Variants in TNS3 observed in about 807,000 individuals in gnomAD.
TNS3 encodes tensin 3.
TNS3 carries 45 observed loss-of-function variants against 140.9 expected under a neutral mutation model. That is an observed-to-expected ratio of 0.32 (90% CI 0.25 to 0.41). The LOEUF (loss-of-function observed/expected upper bound fraction) is 0.41. Among genes scored for constraint, TNS3 ranks in the 10% least tolerant of loss-of-function variants. The pLI, the probability that TNS3 is intolerant of heterozygous loss-of-function variation, is 1.00. For synonymous variants in TNS3, 815 were observed against 788.4 expected (o/e 1.03, Z -0.56); for missense variants, 1,716 against 1,906.7 (o/e 0.90, Z 1.86).
In TNS3 at chr7:47,357,013, A is replaced by T. The variant is rs530056834; in HGVS notation, c.2282-10657T>A. ...TGAGGTGAGAGGATCAATTGAGCCC[A>T]GGAGGTCAAGGATGCAGTGAGCTGT... is the stretch of plus-strand genomic sequence containing the variant. On this transcript the variant is annotated intron_variant, in intron 17 of 30. Coordinates refer to ENST00000311160, the MANE Select transcript of TNS3 (RefSeq NM_022748.12). 2.6e-5 allele frequency among the ~76,000 whole-genome samples: 4 copies of T among 152,166 alleles called. No individual in the cohort carries two copies. The East Asian group carries it at 7.7e-4, about 29-fold the overall frequency.
intron 21 of TNS3, 128 bp from the exon 22 acceptor site, chr7:47,303,712 G>C: frequency 8.4e-7 from 1 of 1,186,786 alleles, no homozygotes. Context: ...AGGCAGCACA[G>C]GAGGTATTTT....
intron 30 of TNS3, 99 bp from the exon 31 acceptor site, chr7:47,278,319 G>C: frequency 7.1e-7 from 1 of 1,409,694 alleles, no homozygotes; most frequent in South Asian, 1.4e-5. Flanking sequence ...GGAATTTTAA[G>C]TGGCACCTAT....
intron 4 of TNS3, among the ~76,000 whole-genome samples, chr7:47,479,059 C>T (rs562204618): frequency 5.9e-5 from 9 of 152,138 alleles, no homozygotes; most frequent in Admixed American, 1.3e-4. Flanking sequence ...CGTGTCCTGA[C>T]GCAGGGGGAG....
chr7:47,388,495 A>T (rs1056797965), intron 16 of TNS3, among the ~76,000 whole-genome samples: 4 of 152,186 alleles, frequency 2.6e-5, no homozygotes, highest in Non-Finnish European at 5.9e-5. Context: ...GTCACCAAAG[A>T]GCAATGGAGA....
chr7:47,342,881 T>C (rs947232239), intron 20 of TNS3, among the ~76,000 whole-genome samples: 10 of 152,224 alleles, frequency 6.6e-5, no homozygotes, highest in African/African-American at 2.4e-4. Flanking sequence ...TGGGGCCTCC[T>C]GGCAAGGGCA....
At chr7:47,324,787 T>C in intron 20 of TNS3, among the ~76,000 whole-genome samples, 1 of 152,200 alleles carries the variant, frequency 6.6e-6, no homozygotes, top group East Asian at 1.9e-4. Context: ...AGTCTCTTAA[T>C]AAAAACTTTG....
At chr7:47,530,002 C>T (rs1799334068) in intron 1 of TNS3, among the ~76,000 whole-genome samples, 1 of 152,198 alleles carries the variant, frequency 6.6e-6, no homozygotes, top group African/African-American at 2.4e-5. Context: ...AATGGTTTGA[C>T]AATTTCTTAT....
chr7:47,556,854 A>T (rs1800208169), intron 1 of TNS3, among the ~76,000 whole-genome samples: 1 of 152,222 alleles, frequency 6.6e-6, no homozygotes, highest in Non-Finnish European at 1.5e-5. Context: ...TGGTACAGTG[A>T]GCATGGCATG....
chr7:47,481,528 G>T (rs1797418211), intron 3 of TNS3: 2 of 385,896 alleles, frequency 5.2e-6, no homozygotes, highest in Non-Finnish European at 7.1e-6. Context: ...GCTCTGCCTG[G>T]TGGTCTTCAA....
intron 4 of TNS3, among the ~76,000 whole-genome samples, chr7:47,453,957 G>A (rs192876682): frequency 5.3e-5 from 8 of 152,374 alleles, no homozygotes; most frequent in Non-Finnish European, 1.2e-4. Flanking sequence ...CCCTTTAACT[G>A]ACAGGGAGAT....
chr7:47,511,734 A>C (rs1166762741), intron 2 of TNS3, among the ~76,000 whole-genome samples: 1 of 152,114 alleles, frequency 6.6e-6, no homozygotes, highest in African/African-American at 2.4e-5. Context: ...CCACTCCTGT[A>C]AACGAAGCAA....
chr7:47,471,376 G>C (rs1190723527), intron 4 of TNS3, among the ~76,000 whole-genome samples: 1 of 152,186 alleles, frequency 6.6e-6, no homozygotes, highest in Non-Finnish European at 1.5e-5. Flanking sequence ...TCGTCTCTGG[G>C]AACTGGGCTG....
At chr7:47,552,328 T>C (rs1428901753) in intron 1 of TNS3, among the ~76,000 whole-genome samples, 1 of 152,180 alleles carries the variant, frequency 6.6e-6, no homozygotes, top group Non-Finnish European at 1.5e-5. Flanking sequence ...AATCACTCTC[T>C]GCCTCCGTTG....
chr7:47,469,283 T>C (rs984597076), intron 4 of TNS3, among the ~76,000 whole-genome samples: 1 of 152,082 alleles, frequency 6.6e-6, no homozygotes, highest in African/African-American at 2.4e-5. Flanking sequence ...AAAGAAACTA[T>C]CAACAGAGTA....
chr7:47,411,812 GA>G lies in TNS3; in HGVS notation c.648-11del. On this transcript the variant is annotated splice_polypyrimidine_tract_variant and intron_variant, in intron 12 of 30. Coordinates refer to ENST00000311160, the MANE Select transcript of TNS3 (RefSeq NM_022748.12). ...TTCTGGGCCAACGTTGCTTTGGGATGAAGAAGAAGGTAGATCATTATGCAAC... is the reference window on the plus strand; with the variant it reads ...TTCTGGGCCAACGTTGCTTTGGGATGAGAAGAAGGTAGATCATTATGCAAC... 1 of 1,612,396 alleles carries G rather than the reference GA, an allele frequency of 6.2e-7. No individual in the cohort carries two copies. The highest frequency in any genetic ancestry group is 1.3e-5 in the African/African-American group (1 of 74,974).
intron 20 of TNS3, among the ~76,000 whole-genome samples, chr7:47,307,050 C>T (rs1786801007): frequency 2.6e-5 from 4 of 152,206 alleles, no homozygotes; most frequent in East Asian, 1.9e-4. Context: ...AACTAATATA[C>T]AAAAAACTGG....
chr7:47,533,293 G>A (rs1395901331), intron 1 of TNS3, among the ~76,000 whole-genome samples: 49 of 150,604 alleles, frequency 3.3e-4, no homozygotes, highest in Non-Finnish European at 6.7e-4. Context: ...CACCATGCCT[G>A]GCTAATTTTT....
intron 24 of TNS3, among the ~76,000 whole-genome samples, chr7:47,294,818 T>A (rs754645775): frequency 6.6e-6 from 1 of 152,208 alleles, no homozygotes; most frequent in Non-Finnish European, 1.5e-5. Flanking sequence ...TAAGAACATA[T>A]TGACATTCAG....
chr7:47,443,789 C>T (rs534153332), intron 4 of TNS3, among the ~76,000 whole-genome samples: 14 of 152,182 alleles, frequency 9.2e-5, no homozygotes, highest in South Asian at 8.3e-4. Context: ...TGCGTGGTGG[C>T]GCACACCTGT....
Sources: allele counts gnomAD v4.1 joint callset (sites outside exome capture counted in the v4.1 genomes callset), GRCh38; gene constraint gnomAD v4.1.1; transcripts MANE v1.5; gene names NCBI Gene and HGNC (gene_info 2026-07-23, HGNC 2026-07-21).